The following RAP1GAP2 variants were observed in gnomAD, a reference collection of about 807,000 sequenced individuals.
RAP1GAP2 encodes the protein RAP1 GTPase activating protein 2.
Under a neutral mutation model 95.0 loss-of-function variants are expected in RAP1GAP2, and 27 were observed. The ratio of observed to expected loss-of-function variants is 0.28; its 90% CI spans 0.21 to 0.39. The LOEUF is 0.39. Ranked by LOEUF, RAP1GAP2 falls within the 10% of genes least tolerant of loss-of-function variation. The probability of loss-of-function intolerance (pLI) is 1.00; values close to 1 mark genes in which losing one functional copy is unlikely to be tolerated. For missense variants in RAP1GAP2, 771 were observed against 970.0 expected, an observed-to-expected ratio of 0.79 and a Z score of 2.72; for synonymous variants, 373 against 380.9, an observed-to-expected ratio of 0.98 and a Z score of 0.24.
intron 2 of RAP1GAP2, among the ~76,000 whole-genome samples, chr17:2,899,655 C>T (rs571680413): frequency 6.6e-6 from 1 of 152,214 alleles, no homozygotes; most frequent in Non-Finnish European, 1.5e-5. Context: ...GGACTACAGA[C>T]ATGCGCCATC....
At chr17:3,002,130 T>C (rs771191844) in intron 14 of RAP1GAP2, among the ~76,000 whole-genome samples, 70 of 152,228 alleles carry the variant, frequency 4.6e-4, no homozygotes, top group South Asian at 1.0e-3. Flanking sequence ...GCCCGGCTAA[T>C]TTTTGTATTT....
Position 2,904,740 on chromosome 17 carries a change from C to A in RAP1GAP2, c.81-544C>A, listed in dbSNP as rs955916698. On this transcript the variant is annotated intron_variant, in intron 2 of 24. Transcript: ENST00000254695. The surrounding 1 kb of genome is among the most constrained non-coding windows in gnomAD (Gnocchi z 4.7). The stretch of plus-strand genomic sequence containing the variant: ...GTTCCTGGGCTCATCACTGGAGAGC[C>A]TGGTGTGCACCTGCAAATGTGCATG... Among the ~76,000 whole-genome samples the A allele has an allele frequency of 1.3e-5, 2 of 152,140 alleles. No individual in the cohort carries two copies. The highest frequency in any genetic ancestry group is 3.2e-3 in the Middle Eastern group (1 of 316).
At chr17:2,865,335 G>A (rs899195906) in intron 2 of RAP1GAP2, among the ~76,000 whole-genome samples, 1 of 152,148 alleles carries the variant, frequency 6.6e-6, no homozygotes, top group African/African-American at 2.4e-5. Context: ...GGGATCAGAT[G>A]GGTCTCTGGA....
chr17:2,791,204 C>G (rs1187874211), intron 1 of RAP1GAP2, among the ~76,000 whole-genome samples: 1 of 152,084 alleles, frequency 6.6e-6, no homozygotes, highest in Admixed American at 6.6e-5. Flanking sequence ...GCCCCCTTCT[C>G]TAAAAAAGAA....
At chr17:3,006,664 A>C (rs1318361921) in intron 16 of RAP1GAP2, among the ~76,000 whole-genome samples, 3 of 147,096 alleles carry the variant, frequency 2.0e-5, no homozygotes, top group African/African-American at 7.6e-5. Flanking sequence ...TGATCTCCTG[A>C]CCTCGTGATC....
At chr17:2,785,728 G>A (rs562078484) in intron 1 of RAP1GAP2, among the ~76,000 whole-genome samples, 12 of 152,058 alleles carry the variant, frequency 7.9e-5, no homozygotes, top group African/African-American at 2.2e-4. Flanking sequence ...CGATGCTCCC[G>A]GCCGAATAAA....
chr17:2,947,926 G>T (rs773116523), intron 3 of RAP1GAP2, among the ~76,000 whole-genome samples: 1 of 152,030 alleles, frequency 6.6e-6, no homozygotes, highest in African/African-American at 2.4e-5. Flanking sequence ...TTTCTGGCCC[G>T]CATCTCCCCC....
chr17:2,865,631 A>G (rs2072586108), intron 2 of RAP1GAP2, among the ~76,000 whole-genome samples: 1 of 152,210 alleles, frequency 6.6e-6, no homozygotes, highest in African/African-American at 2.4e-5. Context: ...GAAACAGGCC[A>G]TCTGAAAACG....
chr17:2,962,342 T>C (rs973284292), intron 4 of RAP1GAP2: 4 of 345,530 alleles, frequency 1.2e-5, no homozygotes, highest in Non-Finnish European at 2.1e-5. Flanking sequence ...GTCGATGCCA[T>C]CATCATTCCC....
intron 13 of RAP1GAP2, among the ~76,000 whole-genome samples, chr17:2,996,305 G>A (rs1488057779): frequency 1.3e-5 from 2 of 152,152 alleles, no homozygotes; most frequent in African/African-American, 2.4e-5. Context: ...GGGGAGAGCC[G>A]CGGCTGGTTC....
chr17:2,835,413 G>T (rs991352312), intron 2 of RAP1GAP2, among the ~76,000 whole-genome samples: 2 of 151,856 alleles, frequency 1.3e-5, no homozygotes, highest in Non-Finnish European at 1.5e-5. Flanking sequence ...TAGAGATGGG[G>T]TTTCACCATG....
intron 2 of RAP1GAP2, among the ~76,000 whole-genome samples, chr17:2,818,474 C>T (rs1001593973): frequency 6.6e-6 from 1 of 152,000 alleles, no homozygotes; most frequent in Admixed American, 6.6e-5. Flanking sequence ...CAAGTGCGTG[C>T]CACCACGCCC....
rs1567746630 is a variant in RAP1GAP2 at position 2,889,880 on chromosome 17, TA to T, written c.81-15403del. ...ATGTGTGTGTATATATATATATATA[TA>T]TATATATATTTTTTTTTTTTTTTGT... On this transcript the variant is annotated intron_variant, in intron 2 of 24. Coordinates refer to ENST00000254695, the MANE Select transcript of RAP1GAP2 (RefSeq NM_015085.5). 9.7e-5 allele frequency among the ~76,000 whole-genome samples: 8 copies of T among 82,056 alleles called. No homozygotes were observed. The South Asian group carries it at 1.4e-3, about 14-fold the overall frequency. The allele number at this position is 82,056 out of a possible 152,430, so 53.8% of individuals were successfully genotyped here.
rs191360933 is a variant in RAP1GAP2 at position 2,931,543 on chromosome 17, A to C, written c.165+26175A>C. On this transcript the variant is annotated intron_variant, in intron 3 of 24. Coordinates refer to ENST00000254695, the MANE Select transcript of RAP1GAP2 (RefSeq NM_015085.5). ...ACCCCCTTCTTCAGCCCCAGCTGGC[A>C]AAAGGGGGTGGGGCAATCGTGTTAT... 3.9e-5 allele frequency among the ~76,000 whole-genome samples: 6 copies of C among 152,306 alleles called. No homozygotes were observed. In the East Asian group the frequency reaches 1.2e-3, roughly 29 times the overall value.
At chr17:2,948,996 G>A (rs1276854653) in intron 3 of RAP1GAP2, among the ~76,000 whole-genome samples, 1 of 152,210 alleles carries the variant, frequency 6.6e-6, no homozygotes, top group Non-Finnish European at 1.5e-5. Context: ...GTTCACGTCT[G>A]CCCCTGCTAC....
chr17:2,835,572 A>T (rs2071093240), intron 2 of RAP1GAP2, among the ~76,000 whole-genome samples: 1 of 152,144 alleles, frequency 6.6e-6, no homozygotes, highest in Non-Finnish European at 1.5e-5. Flanking sequence ...TGTCTCTTTA[A>T]ATACAGAACA....
In RAP1GAP2 at chr17:2,957,811, A is replaced by C. The variant is rs749691353; in HGVS notation, c.201+17A>C. On this transcript the variant is annotated intron_variant, in intron 4 of 24. Transcript: ENST00000254695. ...AAAATGCAGGTGAGTACGTACCCCC[A>C]CCGTGGCGGGGAAGAAGCCCAGCCC... The C allele has an allele frequency of 4.3e-5, 67 of 1,571,714 alleles. 3 individuals carry two copies. In the South Asian group the frequency reaches 7.7e-4, roughly 18 times the overall value.
At chr17:2,957,127 CAAAAAAAAAAA>C (rs531735734) in intron 3 of RAP1GAP2, among the ~76,000 whole-genome samples, 1 of 75,246 alleles carries the variant, frequency 1.3e-5, no homozygotes, top group East Asian at 3.6e-4. Flanking sequence ...GACTCTGTCT[CAAAAAAAAAAA>C]AAAAGAAAAA....
At chr17:2,815,892 A>G (rs1049499695) in intron 2 of RAP1GAP2, among the ~76,000 whole-genome samples, 1 of 152,234 alleles carries the variant, frequency 6.6e-6, no homozygotes, top group African/African-American at 2.4e-5. Context: ...AGCATTGTGT[A>G]CCGGGACCCA....
Sources: gnomAD v4.1 joint callset for allele counts (sites outside exome capture counted in the v4.1 genomes callset) on GRCh38, gnomAD v4.1.1 for gene constraint, Gnocchi (gnomAD v3.1) non-coding constraint, MANE v1.5 for transcripts, NCBI Gene and HGNC (gene_info 2026-07-23, HGNC 2026-07-21) for gene names.